C16orf74: variants seen among roughly 807,000 people sequenced by gnomAD.
C16orf74 encodes the protein uncharacterized protein C16orf74.
A neutral mutation model predicts 6.5 loss-of-function variants in C16orf74; 10 were observed. The observed-to-expected ratio is 1.54, with a 90% CI of 0.95 to 2.61. The LOEUF is 2.61. C16orf74 is among the 30% of genes most tolerant of loss of function. The probability of loss-of-function intolerance (pLI) is 0.00; values close to 1 mark genes in which losing one functional copy is unlikely to be tolerated. For synonymous variants in C16orf74, 60 were observed against 42.5 expected (o/e 1.41, Z -1.60); for missense variants, 141 against 105.9 (o/e 1.33, Z -1.45).
intron 1 of C16orf74, among the ~76,000 whole-genome samples, chr16:85,746,443 T>A (rs1417911605): frequency 6.6e-6 from 1 of 152,194 alleles, no homozygotes; most frequent in Non-Finnish European, 1.5e-5. Context: ...TTCAAGGTCA[T>A]CTGATTTCTA....
chr16:85,714,818 A>G (rs990792905), intron 2 of C16orf74, among the ~76,000 whole-genome samples: 2 of 151,974 alleles, frequency 1.3e-5, no homozygotes, highest in Admixed American at 6.6e-5. Context: ...ACACAGTCCC[A>G]TCGAAGCAGG....
chr16:85,729,985 C>A (rs1346544603), intron 2 of C16orf74, among the ~76,000 whole-genome samples: 1 of 152,214 alleles, frequency 6.6e-6, no homozygotes, highest in Non-Finnish European at 1.5e-5. Flanking sequence ...GAAGCCAGCC[C>A]AGCAGTGGGC....
At chr16:85,729,466 T>G (rs1170829234) in intron 2 of C16orf74, among the ~76,000 whole-genome samples, 1 of 152,194 alleles carries the variant, frequency 6.6e-6, no homozygotes, top group Non-Finnish European at 1.5e-5. Flanking sequence ...TCTACCACCC[T>G]TGGGCAGAGT....
intron 2 of C16orf74, among the ~76,000 whole-genome samples, chr16:85,717,589 C>G (rs866057041): frequency 3.9e-5 from 6 of 152,196 alleles, no homozygotes; most frequent in Admixed American, 3.9e-4. Context: ...CTAGGGGGTC[C>G]TGAGCTGGGG....
intron 1 of C16orf74, among the ~76,000 whole-genome samples, chr16:85,743,925 G>A (rs1478384585): frequency 6.6e-6 from 1 of 151,784 alleles, no homozygotes; most frequent in Non-Finnish European, 1.5e-5. Flanking sequence ...ATGGTGTTGG[G>A]CGCCTGTAGT....
chr16:85,729,170 C>A (rs1162128481), intron 2 of C16orf74, among the ~76,000 whole-genome samples: 1 of 152,238 alleles, frequency 6.6e-6, no homozygotes, highest in Non-Finnish European at 1.5e-5. Flanking sequence ...CCTAACTGGC[C>A]ATGTGGCCTT....
chr16:85,720,492 G>A (rs1471416910), intron 2 of C16orf74, among the ~76,000 whole-genome samples: 1 of 152,136 alleles, frequency 6.6e-6, no homozygotes, highest in East Asian at 1.9e-4. Context: ...CCAGGGTCGG[G>A]CACAGTGACT....
intron 1 of C16orf74, among the ~76,000 whole-genome samples, chr16:85,737,935 T>C (rs1364659265): frequency 6.6e-6 from 1 of 151,118 alleles, no homozygotes; most frequent in African/African-American, 2.4e-5. Context: ...GTAAATTTTC[T>C]TAAAACATTA....
intron 1 of C16orf74, among the ~76,000 whole-genome samples, chr16:85,744,900 G>A (rs1162048388): frequency 6.7e-6 from 1 of 149,858 alleles, no homozygotes; most frequent in Non-Finnish European, 1.5e-5. Context: ...CCATCACTTT[G>A]GGAGGCCGAG....
intron 2 of C16orf74, among the ~76,000 whole-genome samples, chr16:85,722,809 T>C (rs1043646163): frequency 1.3e-5 from 2 of 152,184 alleles, no homozygotes; most frequent in African/African-American, 4.8e-5. Context: ...CAGTGACAGG[T>C]CCCTCAGCAC....
chr16:85,713,296 G>A (rs746687802), intron 2 of C16orf74, among the ~76,000 whole-genome samples: 1 of 151,426 alleles, frequency 6.6e-6, no homozygotes, highest in African/African-American at 2.4e-5. Context: ...TTTTTGAGAC[G>A]GATCTCACTC....
At chr16:85,736,657 G>A (rs1305035857) in intron 1 of C16orf74, among the ~76,000 whole-genome samples, 2 of 152,144 alleles carry the variant, frequency 1.3e-5, no homozygotes, top group African/African-American at 4.8e-5. Flanking sequence ...GTGGTCTCTG[G>A]AGCTTCCCCA....
chr16:85,718,726 G>A (rs1405934431), intron 2 of C16orf74, among the ~76,000 whole-genome samples: 2 of 152,254 alleles, frequency 1.3e-5, no homozygotes, highest in African/African-American at 4.8e-5. Flanking sequence ...TGGCCTCGCT[G>A]TGCACACGTA....
At chr16:85,737,042 C>T (rs1259141152) in intron 1 of C16orf74, among the ~76,000 whole-genome samples, 1 of 149,788 alleles carries the variant, frequency 6.7e-6, no homozygotes, top group Non-Finnish European at 1.5e-5. Flanking sequence ...GACTTCATCT[C>T]GAGAAAAAAA....
chr16:85,712,465 A>G (rs1037784076), intron 2 of C16orf74, among the ~76,000 whole-genome samples: 3 of 152,238 alleles, frequency 2.0e-5, no homozygotes, highest in South Asian at 2.1e-4. Flanking sequence ...CTGTGGGGAA[A>G]TCACAGGAGG....
intron 1 of C16orf74, among the ~76,000 whole-genome samples, chr16:85,743,061 C>T (rs1348883269): frequency 1.3e-5 from 2 of 152,160 alleles, no homozygotes; most frequent in African/African-American, 2.4e-5. Flanking sequence ...CACAGTGTGG[C>T]CTGTTGTGTT....
chr16:85,739,197 G>C (rs1402501909), intron 1 of C16orf74, among the ~76,000 whole-genome samples: 4 of 152,116 alleles, frequency 2.6e-5, no homozygotes, highest in African/African-American at 9.7e-5. Flanking sequence ...GCTGCACAGA[G>C]CCCCAGGGCC....
intron 2 of C16orf74, among the ~76,000 whole-genome samples, chr16:85,729,277 G>A (rs1278862748): frequency 6.6e-6 from 1 of 152,200 alleles, no homozygotes; most frequent in African/African-American, 2.4e-5. Flanking sequence ...GCCAGCACGT[G>A]CCAACCCTTA....
intron 1 of C16orf74, among the ~76,000 whole-genome samples, chr16:85,738,400 C>A (rs1238918605): frequency 6.6e-6 from 1 of 150,982 alleles, no homozygotes; most frequent in Non-Finnish European, 1.5e-5. Flanking sequence ...CCTTGGCTCA[C>A]CACAACCTCC....
Sources: allele counts gnomAD v4.1 joint callset (sites outside exome capture counted in the v4.1 genomes callset), GRCh38; gene constraint gnomAD v4.1.1; transcripts MANE v1.5; gene names NCBI Gene and HGNC (gene_info 2026-07-23, HGNC 2026-07-21).